Variants in EPN2 observed in about 807,000 individuals in gnomAD.
EPN2 encodes the protein epsin 2.
A neutral mutation model predicts 61.7 loss-of-function variants in EPN2; 34 were observed. That is an observed-to-expected ratio of 0.55 (90% CI 0.42 to 0.73). The LOEUF is 0.73. EPN2 is among the 30% of genes least tolerant of loss of function. The pLI is 0.00. For missense variants in EPN2, 714 were observed against 839.2 expected (o/e 0.85, Z 1.84); for synonymous variants, 349 against 353.6 (o/e 0.99, Z 0.15).
intron 7 of EPN2, chr17:19,313,783 A>T (rs537774988): frequency 1.3e-5 from 2 of 153,912 alleles, no homozygotes; most frequent in East Asian, 1.9e-4. Context: ...AATATTTTAA[A>T]GTTTTGCTTA....
chr17:19,334,206 C>G lies in EPN2; in HGVS notation c.1878C>G (p.Pro626=), dbSNP rs1381728088. ...ACATGGTGGGCAGTGTGGGTATACC[C>G]CCATCAGCAGCCCAGGCCACTGGCA... ...MMNMVGSVGI[P]PSAAQATGTT... Residue 626 remains proline (P), a synonymous_variant, in exon 11 of 11, where the codon CCC becomes CCG. Coordinates refer to ENST00000314728, the MANE Select transcript of EPN2 (RefSeq NM_014964.5). The surrounding 1 kb of genome is among the most constrained non-coding windows in gnomAD (Gnocchi z 4.9). 1.3e-6 allele frequency: 2 copies of G among 1,534,320 alleles called. No individual in the cohort carries two copies. Among genetic ancestry groups the G allele is most frequent in the African/African-American group, 1.4e-5 (1 of 73,400 alleles).
intron 7 of EPN2, among the ~76,000 whole-genome samples, chr17:19,318,818 G>A (rs540034211): frequency 1.6e-4 from 25 of 152,126 alleles, no homozygotes; most frequent in South Asian, 6.2e-4. Context: ...GTGGGTCAGC[G>A]TGCTGCTGGC....
intron 8 of EPN2, chr17:19,329,150 G>A: frequency 2.1e-6 from 1 of 480,222 alleles, no homozygotes; most frequent in South Asian, 3.5e-5. Context: ...GACTGCCCTG[G>A]GCCCACAGCC....
Position 19,277,456 on chromosome 17 carries a change from A to G in EPN2, c.-293-4499A>G, listed in dbSNP as rs1053640322. On this transcript the variant is annotated intron_variant, in intron 1 of 10. Coordinates refer to ENST00000314728, the MANE Select transcript of EPN2 (RefSeq NM_014964.5). ...AACAGGATTTGCCGTGGAGGGTGGT[A>G]TATGTTTGGAGCTTGGAGCTTGCTC... 3.3e-5 allele frequency among the ~76,000 whole-genome samples: 5 copies of G among 150,764 alleles called. No individual in the cohort carries two copies. The East Asian group carries it at 5.9e-4, about 18-fold the overall frequency.
chr17:19,239,331 T>C (rs778085121), intron 1 of EPN2, among the ~76,000 whole-genome samples: 26 of 152,160 alleles, frequency 1.7e-4, no homozygotes, highest in Non-Finnish European at 3.1e-4. Context: ...TTTGTATTTT[T>C]AGTAGAGACG....
intron 1 of EPN2, among the ~76,000 whole-genome samples, chr17:19,247,212 C>A (rs892777593): frequency 6.6e-6 from 1 of 152,142 alleles, no homozygotes; most frequent in Non-Finnish European, 1.5e-5. Flanking sequence ...GAAGTATGGG[C>A]ATTTCAAGGA....
Position 19,313,226 on chromosome 17 carries a change from C to G in EPN2, c.1094C>G (p.Pro365Arg). ...TCAGCCTCCACTAACCAGACCAACC[C>G]CTGGGGCGGGCCAGCGGCTCCTGCG... ...GPSASTNQTN[P>R]WGGPAAPAST... Residue 365 changes from proline (P) to arginine (R), a missense_variant, in exon 7 of 11, where the codon CCC becomes CGC. Physicochemically the swap from Pro to Arg is moderately radical, Grantham distance 103. Transcript: ENST00000314728. 1 of 1,597,992 alleles carries G rather than the reference C, an allele frequency of 6.3e-7. No individual in the cohort carries two copies. The highest frequency in any genetic ancestry group is 1.1e-5 in the South Asian group (1 of 89,512).
chr17:19,302,561 A>T (rs1486795408), intron 4 of EPN2, among the ~76,000 whole-genome samples: 4 of 152,136 alleles, frequency 2.6e-5, no homozygotes, highest in Non-Finnish European at 5.9e-5. Flanking sequence ...AGTGTTTCCC[A>T]TCACCCCCAG....
chr17:19,243,990 T>C (rs1410693856), intron 1 of EPN2, among the ~76,000 whole-genome samples: 2 of 152,312 alleles, frequency 1.3e-5, no homozygotes, highest in South Asian at 2.1e-4. Context: ...AAAATGACAC[T>C]GAAATGTTTC....
intron 4 of EPN2, among the ~76,000 whole-genome samples, chr17:19,287,429 G>A (rs1278147231): frequency 6.6e-6 from 1 of 152,094 alleles, no homozygotes; most frequent in Non-Finnish European, 1.5e-5. Context: ...TAACTGTTGG[G>A]TGTGGCATCC....
intron 1 of EPN2, among the ~76,000 whole-genome samples, chr17:19,238,388 G>T (rs1350923313): frequency 6.6e-6 from 1 of 152,188 alleles, no homozygotes; most frequent in African/African-American, 2.4e-5. Flanking sequence ...TTTTGTTTGC[G>T]ACCTGAAGTT....
intron 7 of EPN2, among the ~76,000 whole-genome samples, chr17:19,327,661 G>T (rs1906945463): frequency 6.6e-6 from 1 of 152,130 alleles, no homozygotes; most frequent in South Asian, 2.1e-4. Context: ...GACAGAGTGA[G>T]ACCCTATCTG....
In EPN2 at chr17:19,272,678, A is replaced by G. The variant is rs116007702; in HGVS notation, c.-293-9277A>G. On this transcript the variant is annotated intron_variant, in intron 1 of 10. Coordinates refer to ENST00000314728, the MANE Select transcript of EPN2 (RefSeq NM_014964.5). The stretch of plus-strand genomic sequence containing the variant: ...TTATTTGCATTTTGGCATGATTTTT[A>G]AAAGAATGCTGTTCATAATTTGGTC... Among the ~76,000 whole-genome samples, 681 of 152,270 alleles carry G rather than the reference A, an allele frequency of 4.5e-3. 6 individuals are homozygous for G. The highest frequency in any genetic ancestry group is 0.016 in the African/African-American group (644 of 41,542).
At chr17:19,278,639 T>C (rs1267206366) in intron 1 of EPN2, among the ~76,000 whole-genome samples, 1 of 152,180 alleles carries the variant, frequency 6.6e-6, no homozygotes, top group Non-Finnish European at 1.5e-5. Flanking sequence ...AACCATGTCA[T>C]GAAGATTTCT....
intron 3 of EPN2, among the ~76,000 whole-genome samples, chr17:19,284,427 AT>A (rs1374181079): frequency 6.6e-6 from 1 of 152,130 alleles, no homozygotes; most frequent in Non-Finnish European, 1.5e-5. Context: ...CTGGCTGTTC[AT>A]TGGAAGTGGT....
intron 8 of EPN2, chr17:19,329,339 C>T (rs1373560580): frequency 2.4e-5 from 12 of 506,870 alleles, no homozygotes; most frequent in African/African-American, 3.9e-5. Flanking sequence ...GGTGGGCATC[C>T]CACACCCTGT....
At chr17:19,329,711 AAAT>A in intron 9 of EPN2, 64 bp downstream of exon 9, 3 of 993,630 alleles carry the variant, frequency 3.0e-6, no homozygotes, top group Non-Finnish European at 4.7e-6. Context: ...GTTATTGCAG[AAAT>A]AATAATCAGC....
At chr17:19,316,741 C>T (rs1371791149) in intron 7 of EPN2, among the ~76,000 whole-genome samples, 1 of 152,118 alleles carries the variant, frequency 6.6e-6, no homozygotes, top group Non-Finnish European at 1.5e-5. Flanking sequence ...TAAACAATAC[C>T]ACGCTGTACC....
rs181930101 is a variant in EPN2, at chr17:19,294,701, A to G, written c.766+8911A>G. Among the ~76,000 whole-genome samples the G allele has an allele frequency of 1.5e-4, 23 of 152,304 alleles. No individual in the cohort carries two copies. In the East Asian group the frequency reaches 1.9e-3, roughly 13 times the overall value. On this transcript the variant is annotated intron_variant, in intron 4 of 10. Coordinates refer to ENST00000314728, the MANE Select transcript of EPN2 (RefSeq NM_014964.5). ...CCTTTTCTTTTTTCCCTAAATCACT[A>G]GCTCTCAAGCTTTTAAATCTCCCAA...
Sources: allele counts gnomAD v4.1 joint callset (sites outside exome capture counted in the v4.1 genomes callset), GRCh38; gene constraint gnomAD v4.1.1; non-coding constraint Gnocchi (gnomAD v3.1); transcripts MANE v1.5; gene names NCBI Gene and HGNC (gene_info 2026-07-23, HGNC 2026-07-21).